PXDN: variants seen among roughly 807,000 people sequenced by gnomAD.
PXDN encodes the protein peroxidasin homolog.
In PXDN, 77 loss-of-function variants were observed where a neutral mutation model predicts 140.3. That is an observed-to-expected ratio of 0.55 (90% CI 0.46 to 0.66). The LOEUF is 0.66. Ranked by LOEUF, PXDN falls within the 30% of genes least tolerant of loss-of-function variation. PXDN has a pLI of 0.00. For missense variants in PXDN, 1,838 were observed against 2,039.5 expected, an observed-to-expected ratio of 0.90 and a Z score of 1.90; for synonymous variants, 911 against 857.4, an observed-to-expected ratio of 1.06 and a Z score of -1.09.
chr2:1,697,083 C>T (rs1433344474), intron 1 of PXDN, among the ~76,000 whole-genome samples: 3 of 152,166 alleles, frequency 2.0e-5, no homozygotes, highest in African/African-American at 2.4e-5. Flanking sequence ...TTCTGGGCCC[C>T]ACCCCAAATC....
chr2:1,639,257 G>T lies in PXDN; in HGVS notation c.4073+45C>A. 1 of 1,585,470 alleles carries T rather than the reference G, an allele frequency of 6.3e-7. No homozygotes were observed. The highest frequency in any genetic ancestry group is 8.6e-7 in the Non-Finnish European group (1 of 1,165,588). The stretch of plus-strand genomic sequence containing the variant: ...GGTCCTACTGCCCGACGCCCGCGGT[G>T]CGAGGGCCCCTCTGCACATCATTTG... On this transcript the variant is annotated intron_variant, in intron 20 of 22. Transcript: ENST00000252804. The surrounding 1 kb of genome is among the most constrained non-coding windows in gnomAD (Gnocchi z 5.0).
intron 6 of PXDN, among the ~76,000 whole-genome samples, chr2:1,680,992 AGT>A (rs970055021): frequency 1.3e-5 from 2 of 152,194 alleles, no homozygotes; most frequent in Admixed American, 1.3e-4. Context: ...CCCTGGGAAA[AGT>A]GTTGTCTCCG....
chr2:1,671,335 G>A (rs1683571395), intron 9 of PXDN, among the ~76,000 whole-genome samples: 1 of 151,914 alleles, frequency 6.6e-6, no homozygotes. Flanking sequence ...ATAAGAGCTA[G>A]AATTTATAAA....
chr2:1,660,884 T>G lies in PXDN; in HGVS notation c.1834A>C (p.Asn612His). 6 of 1,609,694 alleles carry G rather than the reference T, an allele frequency of 3.7e-6. No homozygotes were observed. Among genetic ancestry groups the G allele is most frequent in the Non-Finnish European group, 5.1e-6 (6 of 1,176,936 alleles). Residue 612 changes from asparagine to histidine, a missense_variant, in exon 14 of 23, where the codon AAT becomes CAT. Physicochemically the swap from Asn to His is moderately conservative, Grantham distance 68. Coordinates refer to ENST00000252804, the MANE Select transcript of PXDN (RefSeq NM_012293.3). The surrounding 1 kb of genome is among the most constrained non-coding windows in gnomAD (Gnocchi z 4.6). The stretch of plus-strand genomic sequence containing the variant: ...ATGTGGGCATGTGGCATCTTACCAT[T>G]CACACTGAGCACCATGCTCACCGAG... ...SASVSMVLSV[N>H]VPDVSRNGDP...
upstream of PXDN, chr2:1,744,844 G>C (rs1301643764): frequency 5.6e-6 from 1 of 177,264 alleles, no homozygotes; most frequent in African/African-American, 2.4e-5. Flanking sequence ...TTTTTAGTTG[G>C]CGCCTTAATG....
In PXDN at chr2:1,666,250, C is replaced by T; in HGVS notation, c.1255G>A (p.Asp419Asn). The change falls in exon 10 of 23, where the codon GAC becomes AAC. Residue 419 changes from aspartate (D) to asparagine (N), a missense_variant. Around this residue, in one of 5 missense-constraint regions of PXDN, gnomAD observed 537 missense variants for 583.9 expected, o/e 0.92. Coordinates refer to ENST00000252804, the MANE Select transcript of PXDN (RefSeq NM_012293.3). ...EYACSATNNIDSVHATAFIIV... is the reference protein window; with the variant it reads ...EYACSATNNINSVHATAFIIV... ...ATGAAAGCGGTGGCATGGACGCTGT[C>T]AATGTTGTTGGTCGCAGAGCACGCA... 4.3e-6 allele frequency: 7 copies of T among 1,614,014 alleles called. No homozygotes were observed. Among genetic ancestry groups the T allele is most frequent in the East Asian group, 2.2e-5 (1 of 44,884 alleles).
rs772534828 is a variant in PXDN at position 1,663,749 on chromosome 2, C to T, written c.1423G>A (p.Val475Met). The T allele has an allele frequency of 5.6e-6, 9 of 1,612,836 alleles. No homozygotes were observed. Among genetic ancestry groups the T allele is most frequent in the Non-Finnish European group, 7.6e-6 (9 of 1,179,842 alleles). ...GACAGGACCAGGTGCCGCCGGTCCA[C>T]GGAGAGCTGGCTCCCTGCAAGGGCA... The part of the protein sequence containing the change: ...AWTKGGSQLS[V>M]DRRHLVLSSG... Residue 475 changes from valine to methionine, a missense_variant, in exon 12 of 23, where the codon GTG (valine) becomes ATG (methionine). Transcript: ENST00000252804.
Position 1,639,054 on chromosome 2 carries a change from GGGTGT to G in PXDN, c.4074-81_4074-77del. 16 of 398,052 alleles carry G rather than the reference GGGTGT, an allele frequency of 4.0e-5. No homozygotes were observed. The South Asian group carries it at 1.6e-3, about 40-fold the overall frequency. 24.7% of individuals were successfully genotyped at this position (398,052 alleles called of 1,614,324 possible). A position where few individuals can be genotyped will look rare whatever the true frequency, so the allele number is the denominator to read the frequency against. ...GCCGGGTCTCATTTCAAGGTTTCCT[GGGTGT>G]GCACCGCCCCTGATGCTCTGAGCTG... On this transcript the variant is annotated intron_variant, in intron 20 of 22. Coordinates refer to ENST00000252804, the MANE Select transcript of PXDN (RefSeq NM_012293.3). This position sits in a 1 kb window ranked among gnomAD's most constrained non-coding sequence, Gnocchi z 5.0.
chr2:1,640,408 C>T (rs577252830), intron 19 of PXDN, among the ~76,000 whole-genome samples: 21 of 152,338 alleles, frequency 1.4e-4, no homozygotes, highest in South Asian at 8.3e-4. Flanking sequence ...ACCTCAGACC[C>T]CATGCTAGCT....
intron 1 of PXDN, among the ~76,000 whole-genome samples, chr2:1,713,909 C>A (rs1214700591): frequency 6.6e-6 from 1 of 152,226 alleles, no homozygotes; most frequent in African/African-American, 2.4e-5. Flanking sequence ...AGTGCCTCAG[C>A]AGGCAGGAAG....
In PXDN at chr2:1,711,455, A is replaced by G. The variant is rs1348074925; in HGVS notation, c.201-18321T>C. Reference sequence around the variant, plus strand: ...ACTAGCACCCACTCCACCAGCACCCACTCTCCACCAGCACCCGCTCCACCA... The same window carrying G: ...ACTAGCACCCACTCCACCAGCACCCGCTCTCCACCAGCACCCGCTCCACCA... On this transcript the variant is annotated intron_variant, in intron 1 of 22. Coordinates refer to ENST00000252804, the MANE Select transcript of PXDN (RefSeq NM_012293.3). Among the ~76,000 whole-genome samples, 236 of 76,050 alleles carry G rather than the reference A, an allele frequency of 3.1e-3. 6 individuals carry two copies. The highest frequency in any genetic ancestry group is 0.015 in the African/African-American group (197 of 13,098). 49.9% of individuals were successfully genotyped at this position (76,050 alleles called of 152,430 possible).
chr2:1,716,925 G>A (rs1423434376), intron 1 of PXDN, among the ~76,000 whole-genome samples: 2 of 152,162 alleles, frequency 1.3e-5, no homozygotes, highest in Non-Finnish European at 2.9e-5. Flanking sequence ...CCCAACAGGG[G>A]CAGAAAAAGA....
In PXDN at chr2:1,687,069, C is replaced by T. The variant is rs938672463; in HGVS notation, c.416+563G>A. 6.6e-6 allele frequency among the ~76,000 whole-genome samples: 1 copy of T among 152,230 alleles called. No homozygotes were observed. Among genetic ancestry groups the T allele is most frequent in the African/African-American group, 2.4e-5 (1 of 41,466 alleles). On this transcript the variant is annotated intron_variant, in intron 4 of 22. Transcript: ENST00000252804. The surrounding 1 kb of genome is among the most constrained non-coding windows in gnomAD (Gnocchi z 4.0). ...AACACGCTGACTTCACAGCAAAGTA[C>T]GACTTCACGTTGGCCAAAGAAACTA...
chr2:1,649,608 G>A lies in PXDN; in HGVS notation c.2172C>T (p.Thr724=), dbSNP rs368483848. 3.2e-5 allele frequency: 51 copies of A among 1,614,006 alleles called. No homozygotes were observed. In the African/African-American group the frequency reaches 4.3e-4, roughly 13 times the overall value. The change falls in exon 17 of 23, where the codon ACC becomes ACT. Residue 724 remains threonine (T), a synonymous_variant. Coordinates refer to ENST00000252804, the MANE Select transcript of PXDN (RefSeq NM_012293.3). The surrounding 1 kb of genome is among the most constrained non-coding windows in gnomAD (Gnocchi z 7.1). The part of the protein sequence containing the change: ...LNLIANLSGC[T]AHRRVNNCSD... ...AGCAGTTGTTCACGCGCCGGTGGGC[G>A]GTACAGCCCGACAGGTTTGCGATGA...
chr2:1,734,878 T>C (rs771933775), intron 1 of PXDN, among the ~76,000 whole-genome samples: 9 of 151,990 alleles, frequency 5.9e-5, no homozygotes, highest in Non-Finnish European at 1.2e-4. Context: ...AATAAATAAA[T>C]AAATAAAAAT....
intron 1 of PXDN, among the ~76,000 whole-genome samples, chr2:1,713,657 G>A (rs1424891523): frequency 1.3e-5 from 2 of 152,194 alleles, no homozygotes; most frequent in African/African-American, 2.4e-5. Context: ...CGGGAGCCTC[G>A]GTCCCCCCGA....
chr2:1,737,640 A>G (rs1013625595), intron 1 of PXDN, among the ~76,000 whole-genome samples: 7 of 151,940 alleles, frequency 4.6e-5, no homozygotes, highest in African/African-American at 1.7e-4. Context: ...CCCAGGTTCA[A>G]GCGATTCTCC....
At chr2:1,673,032 T>C (rs1440288871) in intron 9 of PXDN, among the ~76,000 whole-genome samples, 1 of 152,150 alleles carries the variant, frequency 6.6e-6, no homozygotes, top group East Asian at 1.9e-4. Flanking sequence ...AATCCGCTGT[T>C]CTTCAAGGGC....
In PXDN at chr2:1,643,358, T is replaced by C; in HGVS notation, c.3952+10A>G. ...GAAAAAGGAACAGACATGGTGCCCC[T>C]GGCACGCACCTTCACAGCAGTCCTG... On this transcript the variant is annotated intron_variant, in intron 19 of 22. Transcript: ENST00000252804. The C allele has an allele frequency of 1.2e-6, 2 of 1,610,970 alleles. No homozygotes were observed. Among genetic ancestry groups the C allele is most frequent in the African/African-American group, 1.3e-5 (1 of 75,020 alleles).
Sources: gnomAD v4.1 joint callset for allele counts (sites outside exome capture counted in the v4.1 genomes callset) on GRCh38, gnomAD v4.1.1 for gene constraint, gnomAD v4.1.1 regional missense constraint, Gnocchi (gnomAD v3.1) non-coding constraint, MANE v1.5 for transcripts, NCBI Gene and HGNC (gene_info 2026-07-23, HGNC 2026-07-21) for gene names.